STX2: variants seen among roughly 807,000 people sequenced by gnomAD.
STX2 encodes syntaxin-2.
Under a neutral mutation model 40.6 loss-of-function variants are expected in STX2, and 27 were observed. The ratio of observed to expected loss-of-function variants is 0.66; its 90% CI spans 0.49 to 0.92. The LOEUF is 0.92. Ranked by LOEUF, STX2 falls within the 40% of genes least tolerant of loss-of-function variation. The probability of loss-of-function intolerance (pLI) is 0.00; values close to 1 mark genes in which losing one functional copy is unlikely to be tolerated. For synonymous variants in STX2, 123 were observed against 119.1 expected (o/e 1.03, Z -0.22); for missense variants, 328 against 366.1 (o/e 0.90, Z 0.85).
At chr12:130,824,892 G>A (rs1283568821) in intron 2 of STX2, among the ~76,000 whole-genome samples, 1 of 152,062 alleles carries the variant, frequency 6.6e-6, no homozygotes, top group Non-Finnish European at 1.5e-5. Context: ...AACCCAATGA[G>A]GCAAGCACCG....
intron 1 of STX2, among the ~76,000 whole-genome samples, chr12:130,828,739 G>T (rs539902385): frequency 6.6e-5 from 10 of 151,724 alleles, no homozygotes; most frequent in African/African-American, 2.4e-4. Context: ...GCAGTAGTGG[G>T]CACCTGTAGT....
At chr12:130,825,216 T>C (rs1042106804) in intron 2 of STX2, among the ~76,000 whole-genome samples, 1 of 152,162 alleles carries the variant, frequency 6.6e-6, no homozygotes, top group Non-Finnish European at 1.5e-5. Context: ...TTTGTATTTT[T>C]AGTAGAGACA....
At chr12:130,810,173 TG>T (rs1339552560) in intron 4 of STX2, among the ~76,000 whole-genome samples, 21 of 152,356 alleles carry the variant, frequency 1.4e-4, no homozygotes, top group Admixed American at 1.2e-3. Flanking sequence ...TTGAGTCTGT[TG>T]TGTGTGTACT....
intron 6 of STX2, among the ~76,000 whole-genome samples, chr12:130,805,257 C>T (rs974719065): frequency 6.6e-6 from 1 of 152,154 alleles, no homozygotes; most frequent in Non-Finnish European, 1.5e-5. Flanking sequence ...CTTGAAATAA[C>T]CACAAACCCA....
intron 4 of STX2, 108 bp from the exon 5 acceptor site, chr12:130,808,812 T>C (rs1951538266): frequency 1.1e-6 from 1 of 945,428 alleles, no homozygotes; most frequent in Admixed American, 2.4e-5. Context: ...TTTATAAAAC[T>C]AAAGCTAATG....
rs115474742 is a variant in STX2 at position 130,792,653 on chromosome 12, A to C, written c.*46-676T>G. Among the ~76,000 whole-genome samples, 679 of 152,236 alleles carry C rather than the reference A, an allele frequency of 4.5e-3. 9 individuals are homozygous for C. Among genetic ancestry groups the C allele is most frequent in the African/African-American group, 0.016 (651 of 41,528 alleles). On this transcript the variant is annotated intron_variant, in intron 10 of 10. Coordinates refer to ENST00000392373, the MANE Select transcript of STX2 (RefSeq NM_194356.4). ...TAATTAAAAAATATGTTTTTAAGAG[A>C]TGGGGTCTTGCTATGTTGCCCAGAC... is the stretch of plus-strand genomic sequence containing the variant.
Position 130,807,090 on chromosome 12 carries a change from G to A in STX2, c.355C>T (p.His119Tyr), listed in dbSNP as rs892982929. The A allele has an allele frequency of 4.3e-6, 7 of 1,613,846 alleles. No individual in the cohort carries two copies. Among genetic ancestry groups the A allele is most frequent in the South Asian group, 2.2e-5 (2 of 91,076 alleles). ...SVDLRIRRTQHSVLSRKFVEA... is the reference protein window; with the variant it reads ...SVDLRIRRTQYSVLSRKFVEA... ...ACAAACTTCCGAGACAGCACCGAATGCTAACAACACAGGAAAACTACATTC... is the reference window on the plus strand; with the variant it reads ...ACAAACTTCCGAGACAGCACCGAATACTAACAACACAGGAAAACTACATTC... Residue 119 changes from histidine to tyrosine, a missense_variant and splice_region_variant, in exon 6 of 11, where the codon CAT (histidine) becomes TAT (tyrosine). By Grantham distance (83) the His-to-Tyr change is moderately conservative (BLOSUM62 2). Coordinates refer to ENST00000392373, the MANE Select transcript of STX2 (RefSeq NM_194356.4).
At chr12:130,833,960 G>C (rs1952668441) in intron 1 of STX2, among the ~76,000 whole-genome samples, 1 of 152,192 alleles carries the variant, frequency 6.6e-6, no homozygotes, top group Admixed American at 6.5e-5. Context: ...TGAAGCACTG[G>C]GGGAAGGGTG....
chr12:130,798,785 G>A (rs1158627602), intron 8 of STX2, 150 bp from the exon 9 acceptor site: 2 of 514,642 alleles, frequency 3.9e-6, no homozygotes, highest in East Asian at 3.4e-5. Flanking sequence ...AAAGATAAAA[G>A]ATGAGGCCAT....
At chr12:130,820,888 C>T (rs1412314842) in intron 3 of STX2, among the ~76,000 whole-genome samples, 1 of 152,150 alleles carries the variant, frequency 6.6e-6, no homozygotes, top group Admixed American at 6.5e-5. Context: ...TAACTCCCCC[C>T]ACCATGATGT....
At chr12:130,804,151 G>A (rs1163206652) in intron 6 of STX2, among the ~76,000 whole-genome samples, 2 of 152,190 alleles carry the variant, frequency 1.3e-5, no homozygotes, top group African/African-American at 4.8e-5. Context: ...CCTGGTCCAA[G>A]AAGAAACTCA....
rs767436275 is a variant in STX2 at position 130,821,697 on chromosome 12, G to A, written c.197C>T (p.Pro66Leu). 4.4e-5 allele frequency: 71 copies of A among 1,613,332 alleles called. No homozygotes were observed. Among genetic ancestry groups the A allele is most frequent in the South Asian group, 4.0e-4 (36 of 91,058 alleles). Residue 66 changes from proline (P) to leucine (L), a missense_variant, in exon 3 of 11, where the codon CCG becomes CTG. By Grantham distance (98) the Pro-to-Leu change is moderately conservative. Coordinates refer to ENST00000392373, the MANE Select transcript of STX2 (RefSeq NM_194356.4). The stretch of plus-strand genomic sequence containing the variant: ...GAAAACCAACAACTTACTTCCTTCC[G>A]GGTTTGGTGCAGAAAGAATGATGCT... ...NHSIILSAPN[P>L]EGKIKEELED... is the part of the protein sequence containing the mutation.
At chr12:130,795,721 C>CACAGCTAG (rs1478306110) in intron 10 of STX2, among the ~76,000 whole-genome samples, 1 of 152,156 alleles carries the variant, frequency 6.6e-6, no homozygotes, top group Admixed American at 6.5e-5. Context: ...GCCTGGGTGA[C>CACAGCTAG]ACAGCTAGAC....
At chr12:130,806,130 G>C (rs570071200) in intron 6 of STX2, among the ~76,000 whole-genome samples, 171 of 152,340 alleles carry the variant, frequency 1.1e-3, no homozygotes, top group Middle Eastern at 3.4e-3. Flanking sequence ...TCTAAAACAT[G>C]AGGAGCCTCG....
At chr12:130,811,970 C>G (rs1224816612) in intron 4 of STX2, among the ~76,000 whole-genome samples, 1 of 152,172 alleles carries the variant, frequency 6.6e-6, no homozygotes, top group Non-Finnish European at 1.5e-5. Context: ...CAACCTACAG[C>G]AAATTCAGAG....
intron 1 of STX2, among the ~76,000 whole-genome samples, chr12:130,829,410 G>A (rs1173690090): frequency 6.6e-6 from 1 of 152,220 alleles, no homozygotes; most frequent in Non-Finnish European, 1.5e-5. Context: ...AGGGACGGCA[G>A]AGCAGAAAAC....
intron 2 of STX2, among the ~76,000 whole-genome samples, chr12:130,823,353 G>T (rs1184361293): frequency 6.6e-6 from 1 of 152,166 alleles, no homozygotes; most frequent in Non-Finnish European, 1.5e-5. Flanking sequence ...ACCATTACAT[G>T]TTGTGGCACA....
chr12:130,821,751 T>G lies in STX2; in HGVS notation c.143A>C (p.Gln48Pro). Reference sequence around the variant, plus strand: ...GTTTTTCTTTACTTCTTCAACATATTGAGTTATTTTATCAATACTGTTTCT... The same window carrying G: ...GTTTTTCTTTACTTCTTCAACATATGGAGTTATTTTATCAATACTGTTTCT... ...EIRNSIDKIT[Q>P]YVEEVKKNHS... is the part of the protein sequence containing the mutation. The change falls in exon 3 of 11, where the codon CAA becomes CCA. Residue 48 changes from glutamine to proline, a missense_variant. Coordinates refer to ENST00000392373, the MANE Select transcript of STX2 (RefSeq NM_194356.4). The G allele has an allele frequency of 6.2e-7, 1 of 1,613,494 alleles. No homozygotes were observed. Among genetic ancestry groups the G allele is most frequent in the East Asian group, 2.2e-5 (1 of 44,882 alleles).
intron 6 of STX2, among the ~76,000 whole-genome samples, chr12:130,801,964 A>G (rs1340622849): frequency 6.6e-6 from 1 of 152,266 alleles, no homozygotes; most frequent in African/African-American, 2.4e-5. Context: ...ACATGTACAC[A>G]GGTTTTGGAA....
Sources: allele counts gnomAD v4.1 joint callset (sites outside exome capture counted in the v4.1 genomes callset), GRCh38; gene constraint gnomAD v4.1.1; transcripts MANE v1.5; gene names NCBI Gene and HGNC (gene_info 2026-07-23, HGNC 2026-07-21).